The following CFAP299 variants were observed in gnomAD, a reference collection of about 807,000 sequenced individuals.
CFAP299 encodes the protein cilia and flagella associated protein 299.
Under a neutral mutation model 27.0 loss-of-function variants are expected in CFAP299, and 21 were observed. The observed-to-expected ratio is 0.78, with a 90% confidence interval of 0.55 to 1.12. The LOEUF is 1.12. Among genes scored for constraint, CFAP299 ranks in the 50% most tolerant of loss-of-function variants. CFAP299 has a pLI of 0.00. For synonymous variants in CFAP299, 104 were observed against 98.1 expected (o/e 1.06, Z -0.36); for missense variants, 310 against 276.6 (o/e 1.12, Z -0.86).
chr4:80,898,349 C>A (rs2110192749), intron 4 of CFAP299, among the ~76,000 whole-genome samples: 1 of 152,204 alleles, frequency 6.6e-6, no homozygotes, highest in Middle Eastern at 3.4e-3. Flanking sequence ...TCCAAAGCTA[C>A]ACCTTTAAGC....
intron 3 of CFAP299, among the ~76,000 whole-genome samples, chr4:80,734,582 T>C (rs528189604): frequency 6.6e-6 from 1 of 152,206 alleles, no homozygotes; most frequent in Non-Finnish European, 1.5e-5. Flanking sequence ...TTTTATGTAG[T>C]AGTTTCATAG....
At chr4:80,394,144 G>A (rs1725648223) in intron 2 of CFAP299, among the ~76,000 whole-genome samples, 1 of 152,172 alleles carries the variant, frequency 6.6e-6, no homozygotes, top group Non-Finnish European at 1.5e-5. Context: ...CAGGCAAGTG[G>A]AACTGTGAGT....
chr4:80,493,497 G>A (rs1046735931), intron 2 of CFAP299, among the ~76,000 whole-genome samples: 1 of 152,180 alleles, frequency 6.6e-6, no homozygotes, highest in African/African-American at 2.4e-5. Context: ...ATGAGTTAGG[G>A]TGGAGCAGGT....
At chr4:80,422,677 A>G (rs925386341) in intron 2 of CFAP299, among the ~76,000 whole-genome samples, 1 of 152,216 alleles carries the variant, frequency 6.6e-6, no homozygotes, top group Admixed American at 6.5e-5. Context: ...ACTTAAATAA[A>G]CTATTAGTAG....
chr4:80,712,535 A>G (rs550930456), intron 3 of CFAP299, among the ~76,000 whole-genome samples: 1 of 152,166 alleles, frequency 6.6e-6, no homozygotes, highest in African/African-American at 2.4e-5. Flanking sequence ...ACTTGAGTGA[A>G]TTAAATGTGT....
chr4:80,560,126 A>G (rs1306844313), intron 2 of CFAP299, among the ~76,000 whole-genome samples: 2 of 151,932 alleles, frequency 1.3e-5, no homozygotes, highest in East Asian at 3.9e-4. Context: ...TCTTGCATCT[A>G]TGATACCAGC....
At chr4:80,713,114 G>A (rs879555194) in intron 3 of CFAP299, among the ~76,000 whole-genome samples, 1 of 152,096 alleles carries the variant, frequency 6.6e-6, no homozygotes. Context: ...GGAGATGAGA[G>A]GGCATTCCAA....
intron 3 of CFAP299, among the ~76,000 whole-genome samples, chr4:80,716,741 C>T (rs1186557657): frequency 6.6e-6 from 1 of 152,092 alleles, no homozygotes; most frequent in East Asian, 1.9e-4. Context: ...TACTTCTTTA[C>T]AAACCAGTTT....
At chr4:80,443,091 G>A (rs1049325360) in intron 2 of CFAP299, among the ~76,000 whole-genome samples, 2 of 152,100 alleles carry the variant, frequency 1.3e-5, no homozygotes, top group Non-Finnish European at 2.9e-5. Flanking sequence ...ATTCACAGCC[G>A]AATTCTCCCA....
intron 2 of CFAP299, among the ~76,000 whole-genome samples, chr4:80,449,734 A>G (rs565726534): frequency 6.6e-6 from 1 of 151,862 alleles, no homozygotes; most frequent in Admixed American, 6.6e-5. Flanking sequence ...GTTTTGTATC[A>G]TTTCTAAGAA....
chr4:80,546,931 T>C (rs72659865), intron 2 of CFAP299, among the ~76,000 whole-genome samples: 2,582 of 152,210 alleles, frequency 0.017, 46 homozygotes, highest in Non-Finnish European at 0.025. Context: ...GAAGAATCAA[T>C]ATTGTTAAAA....
At chr4:80,902,467 T>C (rs1364769754) in intron 4 of CFAP299, among the ~76,000 whole-genome samples, 2 of 117,306 alleles carry the variant, frequency 1.7e-5, no homozygotes, top group Admixed American at 1.6e-4. Context: ...TACATATATG[T>C]ATATATGTAT....
chr4:80,531,747 G>GTTTTTTT (rs200507684), intron 2 of CFAP299, among the ~76,000 whole-genome samples: 10 of 116,486 alleles, frequency 8.6e-5, no homozygotes, highest in African/African-American at 2.0e-4. Flanking sequence ...TAAGATAGAA[G>GTTTTTTT]TTTTTTTTTT....
intron 3 of CFAP299, among the ~76,000 whole-genome samples, chr4:80,836,370 G>C (rs1287367726): frequency 6.6e-6 from 1 of 152,136 alleles, no homozygotes; most frequent in Non-Finnish European, 1.5e-5. Flanking sequence ...ATGGGTCTTG[G>C]CAAGCTAAAA....
chr4:80,356,877 A>G (rs974264480), intron 1 of CFAP299, among the ~76,000 whole-genome samples: 1 of 152,142 alleles, frequency 6.6e-6, no homozygotes, highest in Non-Finnish European at 1.5e-5. Context: ...GCTATGTTAA[A>G]TAGGAGTGGT....
chr4:80,538,946 G>T (rs1733874360), intron 2 of CFAP299, among the ~76,000 whole-genome samples: 1 of 152,142 alleles, frequency 6.6e-6, no homozygotes, highest in African/African-American at 2.4e-5. Flanking sequence ...CATTTCTTGT[G>T]AATTCCTTAA....
At chr4:80,582,155 A>G (rs917629830) in intron 2 of CFAP299, among the ~76,000 whole-genome samples, 3 of 151,944 alleles carry the variant, frequency 2.0e-5, no homozygotes, top group African/African-American at 7.2e-5. Context: ...GATTAATACT[A>G]TCTCAAGTTT....
In CFAP299 at chr4:80,372,169, C is replaced by T. The variant is rs187875660; in HGVS notation, c.242+9285C>T. Among the ~76,000 whole-genome samples the T allele has an allele frequency of 2.2e-3, 337 of 152,286 alleles. 1 individual carries two copies. Among genetic ancestry groups the T allele is most frequent in the African/African-American group, 7.7e-3 (321 of 41,568 alleles). On this transcript the variant is annotated intron_variant, in intron 2 of 5. Coordinates refer to ENST00000358105, the MANE Select transcript of CFAP299 (RefSeq NM_152770.3). ...GTGAAGGGGAAGCCAGCATTTCACA[C>T]AGACTTAGCAGGAGGAAGAGAGAGA...
rs1733056527 is a variant in CFAP299, at chr4:80,871,072, A to C, written c.476+937A>C. ...CAGGCACATACCACCACGTCTGGAT[A>C]CTTTTTGTATTTTTAGTAGAGACAG... is the stretch of plus-strand genomic sequence containing the variant. On this transcript the variant is annotated intron_variant, in intron 4 of 5. Coordinates refer to ENST00000358105, the MANE Select transcript of CFAP299 (RefSeq NM_152770.3). 7 of 453,460 alleles carry C rather than the reference A, an allele frequency of 1.5e-5. No individual in the cohort carries two copies. In the South Asian group the frequency reaches 6.6e-4, roughly 43 times the overall value. The allele number at this position is 453,460 out of a possible 1,614,324, so 28.1% of individuals were successfully genotyped here.
Sources: gnomAD v4.1 joint callset for allele counts (sites outside exome capture counted in the v4.1 genomes callset) on GRCh38, gnomAD v4.1.1 for gene constraint, MANE v1.5 for transcripts, NCBI Gene and HGNC (gene_info 2026-07-23, HGNC 2026-07-21) for gene names.